SLC25A37: variants seen among roughly 807,000 people sequenced by gnomAD.
The protein encoded by SLC25A37 is mitoferrin-1.
A neutral mutation model predicts 31.0 loss-of-function variants in SLC25A37; 17 were observed. That is an observed-to-expected ratio of 0.55 (90% CI 0.38 to 0.82). SLC25A37 has a LOEUF of 0.82. Ranked by LOEUF, SLC25A37 falls within the 40% of genes least tolerant of loss-of-function variation. The pLI is 0.00. For missense variants in SLC25A37, 404 were observed against 465.8 expected (o/e 0.87, Z 1.22); for synonymous variants, 222 against 193.0 (o/e 1.15, Z -1.24).
At chr8:23,541,628 C>G (rs1209876188) in intron 1 of SLC25A37, 1 of 152,314 alleles carries the variant, frequency 6.6e-6, no homozygotes, top group Non-Finnish European at 1.5e-5. Context: ...AGGAAGCTGG[C>G]CAGCCAGACC....
At chr8:23,549,860 G>C (rs1438118285) in intron 1 of SLC25A37, among the ~76,000 whole-genome samples, 2 of 138,418 alleles carry the variant, frequency 1.4e-5, no homozygotes, top group Non-Finnish European at 3.0e-5. Flanking sequence ...GTGGGCCCCA[G>C]ACTGTGGCCA....
intron 1 of SLC25A37, among the ~76,000 whole-genome samples, chr8:23,562,226 G>A (rs1802535169): frequency 1.3e-5 from 2 of 152,254 alleles, no homozygotes; most frequent in Non-Finnish European, 2.9e-5. Flanking sequence ...GCCACCTCTT[G>A]TTCACAGGCC....
intron 2 of SLC25A37, 181 bp from the exon 3 acceptor site, chr8:23,568,141 A>G (rs13261): frequency 0.032 from 22,538 of 705,438 alleles, 799 homozygotes; most frequent in Admixed American, 0.13. Context: ...AACCATCCCC[A>G]TTTTTATCAT....
rs190863883 is a variant in SLC25A37 at position 23,551,287 on chromosome 8, A to C, written c.211-14821A>C. ...TTAATTTAAGCAGCCTAGGCCATCC[A>C]TTTAGAAATGGTTAGTGAAGAAAGG... is the stretch of plus-strand genomic sequence containing the variant. On this transcript the variant is annotated intron_variant, in intron 1 of 3. Transcript: ENST00000519973. Among the ~76,000 whole-genome samples the C allele has an allele frequency of 1.6e-3, 248 of 152,314 alleles. 1 individual carries two copies. The highest frequency in any genetic ancestry group is 5.6e-3 in the African/African-American group (232 of 41,568).
intron 3 of SLC25A37, chr8:23,568,582 C>G: frequency 1.7e-6 from 1 of 590,818 alleles, no homozygotes; most frequent in Non-Finnish European, 3.0e-6. Flanking sequence ...TATTCCTGTG[C>G]TCGGAGCTAC....
intron 1 of SLC25A37, among the ~76,000 whole-genome samples, chr8:23,559,078 A>G (rs1330614714): frequency 6.6e-6 from 1 of 152,216 alleles, no homozygotes; most frequent in Non-Finnish European, 1.5e-5. Context: ...GTCTCTGGTT[A>G]TTAAATGAGA....
intron 1 of SLC25A37, among the ~76,000 whole-genome samples, chr8:23,546,386 A>C (rs1802037906): frequency 6.6e-6 from 1 of 151,702 alleles, no homozygotes; most frequent in Non-Finnish European, 1.5e-5. Flanking sequence ...TAGAAACCTC[A>C]AGTGTACATA....
chr8:23,548,506 GC>G (rs1310040557), intron 1 of SLC25A37, among the ~76,000 whole-genome samples: 2 of 107,140 alleles, frequency 1.9e-5, no homozygotes, highest in African/African-American at 8.4e-5. Flanking sequence ...TAGACTTGTT[GC>G]CCCCCCAGGA....
intron 1 of SLC25A37, among the ~76,000 whole-genome samples, chr8:23,548,809 A>T (rs533644677): frequency 1.6e-4 from 25 of 152,288 alleles, no homozygotes; most frequent in African/African-American, 5.5e-4. Context: ...GAAACACAGC[A>T]TTAAGGGTAA....
chr8:23,567,065 C>G (rs1400463455), intron 2 of SLC25A37: 1 of 152,966 alleles, frequency 6.5e-6, no homozygotes, highest in Non-Finnish European at 1.5e-5. Flanking sequence ...TTTATTTTCT[C>G]CTCTCCAGTG....
chr8:23,554,133 C>A (rs573240374), intron 1 of SLC25A37, among the ~76,000 whole-genome samples: 1 of 152,306 alleles, frequency 6.6e-6, no homozygotes, highest in Admixed American at 6.5e-5. Context: ...TACTTTGTGA[C>A]CTTGAGGCAA....
chr8:23,546,531 G>GTGTATA (rs1554497854), intron 1 of SLC25A37, among the ~76,000 whole-genome samples: 1 of 36,432 alleles, frequency 2.7e-5, no homozygotes, highest in African/African-American at 1.1e-4. Flanking sequence ...ATATATAGGT[G>GTGTATA]TATATATATA....
At chr8:23,558,335 T>C (rs1802422203) in intron 1 of SLC25A37, among the ~76,000 whole-genome samples, 1 of 152,146 alleles carries the variant, frequency 6.6e-6, no homozygotes, top group South Asian at 2.1e-4. Flanking sequence ...CTCTTTTCTT[T>C]TTTGGTCCTA....
At chr8:23,546,513 GTA>G (rs1218216698) in intron 1 of SLC25A37, among the ~76,000 whole-genome samples, 7 of 67,772 alleles carry the variant, frequency 1.0e-4, no homozygotes, top group Admixed American at 5.9e-4. Context: ...ATATATATAG[GTA>G]TATATATATA....
chr8:23,559,430 C>G (rs1041296008), intron 1 of SLC25A37, among the ~76,000 whole-genome samples: 3 of 152,054 alleles, frequency 2.0e-5, no homozygotes, highest in Non-Finnish European at 2.9e-5. Flanking sequence ...CATTCATTTC[C>G]TTTTTCCTCC....
intron 1 of SLC25A37, among the ~76,000 whole-genome samples, chr8:23,554,001 A>G (rs1451863322): frequency 1.3e-5 from 2 of 152,100 alleles, no homozygotes; most frequent in African/African-American, 4.8e-5. Flanking sequence ...ATTGGGACAA[A>G]AGGGAAGTTG....
At chr8:23,542,202 C>A (rs1041723491) in intron 1 of SLC25A37, among the ~76,000 whole-genome samples, 7 of 152,160 alleles carry the variant, frequency 4.6e-5, no homozygotes, top group African/African-American at 1.7e-4. Context: ...CAACGCATTG[C>A]ATTTCGCCCG....
At chr8:23,543,737 G>A (rs1486428574) in intron 1 of SLC25A37, among the ~76,000 whole-genome samples, 1 of 151,952 alleles carries the variant, frequency 6.6e-6, no homozygotes, top group Non-Finnish European at 1.5e-5. Context: ...GTTTCGCTGT[G>A]TTAGCCAGTA....
At chr8:23,539,328 A>G (rs1210878413) in intron 1 of SLC25A37, among the ~76,000 whole-genome samples, 1 of 152,150 alleles carries the variant, frequency 6.6e-6, no homozygotes, top group Non-Finnish European at 1.5e-5. Flanking sequence ...AGATCCATCC[A>G]GAGAGCCACT....
Sources: allele counts gnomAD v4.1 joint callset (sites outside exome capture counted in the v4.1 genomes callset), GRCh38; gene constraint gnomAD v4.1.1; transcripts MANE v1.5; gene names NCBI Gene and HGNC (gene_info 2026-07-23, HGNC 2026-07-21).